Variants in PDE3B observed in about 807,000 individuals in gnomAD.
PDE3B encodes phosphodiesterase 3B.
A neutral mutation model predicts 116.8 loss-of-function variants in PDE3B; 66 were observed. That is an observed-to-expected ratio of 0.56 (90% CI 0.46 to 0.69). The LOEUF (loss-of-function observed/expected upper bound fraction) is 0.69. Ranked by LOEUF, PDE3B falls within the 30% of genes least tolerant of loss-of-function variation. The probability of loss-of-function intolerance (pLI) is 0.00; values close to 1 mark genes in which losing one functional copy is unlikely to be tolerated. For synonymous variants in PDE3B, 595 were observed against 533.6 expected (o/e 1.12, Z -1.59); for missense variants, 1,384 against 1,368.1 (o/e 1.01, Z -0.18).
intron 1 of PDE3B, among the ~76,000 whole-genome samples, chr11:14,712,888 A>G (rs1460639254): frequency 6.6e-6 from 1 of 152,222 alleles, no homozygotes; most frequent in Non-Finnish European, 1.5e-5. Context: ...TCAGATTTAG[A>G]TAATGCCTTA....
intron 1 of PDE3B, among the ~76,000 whole-genome samples, chr11:14,654,450 A>G (rs1277869195): frequency 6.6e-6 from 1 of 152,190 alleles, no homozygotes; most frequent in Non-Finnish European, 1.5e-5. Flanking sequence ...AGTGCCCCGC[A>G]AAACTATCTC....
At chr11:14,725,873 C>A (rs1040989907) in intron 1 of PDE3B, among the ~76,000 whole-genome samples, 4 of 151,928 alleles carry the variant, frequency 2.6e-5, no homozygotes, top group South Asian at 4.2e-4. Flanking sequence ...CTTTTAAAAA[C>A]CAAAATTCTT....
intron 11 of PDE3B, among the ~76,000 whole-genome samples, chr11:14,840,659 T>G (rs1191280841): frequency 6.6e-6 from 1 of 152,166 alleles, no homozygotes; most frequent in Non-Finnish European, 1.5e-5. Context: ...TTCCTCAAAG[T>G]GGATAGCTAC....
At chr11:14,747,917 A>G (rs1363066967) in intron 1 of PDE3B, among the ~76,000 whole-genome samples, 2 of 152,314 alleles carry the variant, frequency 1.3e-5, no homozygotes, top group South Asian at 2.1e-4. Context: ...CTTTGAAGAA[A>G]TAGTCACTAT....
chr11:14,819,336 C>T, intron 7 of PDE3B, 127 bp downstream of exon 7: 1 of 585,878 alleles, frequency 1.7e-6, no homozygotes, highest in South Asian at 2.5e-5. Context: ...TTATTTTTTA[C>T]CCACTTCACA....
chr11:14,670,076 C>A (rs1004289049), intron 1 of PDE3B, among the ~76,000 whole-genome samples: 3 of 152,080 alleles, frequency 2.0e-5, no homozygotes, highest in Non-Finnish European at 4.4e-5. Flanking sequence ...GCATAGTTAT[C>A]TGGGTGATTT....
chr11:14,668,032 TAAAA>T (rs200897741), intron 1 of PDE3B, among the ~76,000 whole-genome samples: 3 of 131,104 alleles, frequency 2.3e-5, no homozygotes, highest in Non-Finnish European at 5.0e-5. Context: ...AATGCAAGAG[TAAAA>T]AAAAAAAAGG....
At chr11:14,858,789 C>G (rs1231723204) in intron 12 of PDE3B, among the ~76,000 whole-genome samples, 2 of 152,142 alleles carry the variant, frequency 1.3e-5, no homozygotes, top group Non-Finnish European at 2.9e-5. Flanking sequence ...CAAAGATAAA[C>G]TTTAAAGATA....
intron 1 of PDE3B, among the ~76,000 whole-genome samples, chr11:14,692,741 G>T (rs1379623319): frequency 6.6e-6 from 1 of 151,974 alleles, no homozygotes; most frequent in Non-Finnish European, 1.5e-5. Flanking sequence ...TTTCTCCCCT[G>T]TCCTTGGACC....
intron 5 of PDE3B, among the ~76,000 whole-genome samples, chr11:14,812,629 G>T (rs945951905): frequency 6.6e-6 from 1 of 152,072 alleles, no homozygotes; most frequent in African/African-American, 2.4e-5. Flanking sequence ...ATACAAAAAT[G>T]ATAAAAAATC....
chr11:14,701,813 G>T (rs557021479), intron 1 of PDE3B, among the ~76,000 whole-genome samples: 7 of 150,972 alleles, frequency 4.6e-5, no homozygotes, highest in Admixed American at 4.6e-4. Context: ...AAAGCATCCA[G>T]TGTTACTATT....
the PDE3B span, chr11:14,891,915 G>A: frequency 6.4e-7 from 1 of 1,560,680 alleles, no homozygotes; most frequent in South Asian, 1.2e-5. Flanking sequence ...AGTCCAACCA[G>A]GAAGGCCCTG....
At position 14,783,646 on chromosome 11, in the gene PDE3B, A is replaced by G. The variant is rs530723114; in HGVS notation, c.1030-2791A>G. Among the ~76,000 whole-genome samples the G allele has an allele frequency of 2.6e-5, 4 of 152,226 alleles. No individual in the cohort carries two copies. In the East Asian group the frequency reaches 7.7e-4, roughly 29 times the overall value. On this transcript the variant is annotated intron_variant, in intron 2 of 15. Transcript: ENST00000282096. ...GTGGGGAGGGATAGCTAGCATTGGGAGATATACCTGATGTAAATGAGGAGT... is the reference window on the plus strand; with the variant it reads ...GTGGGGAGGGATAGCTAGCATTGGGGGATATACCTGATGTAAATGAGGAGT...
the PDE3B span, chr11:14,892,170 C>A: frequency 6.2e-7 from 1 of 1,610,814 alleles, no homozygotes; most frequent in East Asian, 2.2e-5. Flanking sequence ...CGCCGAGCGC[C>A]GCCGCGCCCT....
At chr11:14,720,963 A>T (rs188474622) in intron 1 of PDE3B, among the ~76,000 whole-genome samples, 2 of 114,572 alleles carry the variant, frequency 1.7e-5, no homozygotes, top group East Asian at 5.1e-4. Flanking sequence ...ACAGCAAAAG[A>T]GACTACCATC....
At chr11:14,868,067 C>T (rs1848079920) in intron 15 of PDE3B, among the ~76,000 whole-genome samples, 1 of 152,196 alleles carries the variant, frequency 6.6e-6, no homozygotes, top group African/African-American at 2.4e-5. Context: ...ACAGATTCAG[C>T]AGTCATTACA....
At chr11:14,813,084 G>A (rs966688905) in intron 5 of PDE3B, among the ~76,000 whole-genome samples, 1 of 152,144 alleles carries the variant, frequency 6.6e-6, no homozygotes, top group Non-Finnish European at 1.5e-5. Context: ...GCACTTCCCA[G>A]CCTCCAGAAC....
chr11:14,752,921 T>A (rs1857092450), intron 1 of PDE3B, among the ~76,000 whole-genome samples: 1 of 152,138 alleles, frequency 6.6e-6, no homozygotes, highest in Non-Finnish European at 1.5e-5. Flanking sequence ...CTAAACTATC[T>A]ACTGTTTGCT....
At chr11:14,803,860 G>A (rs1349334170) in intron 4 of PDE3B, 84 bp from the exon 5 acceptor site, 8 of 781,544 alleles carry the variant, frequency 1.0e-5, no homozygotes, top group Non-Finnish European at 1.8e-5. Context: ...GGATATATTT[G>A]CTAATTAAAT....
Sources: allele counts gnomAD v4.1 joint callset (sites outside exome capture counted in the v4.1 genomes callset), GRCh38; gene constraint gnomAD v4.1.1; transcripts MANE v1.5; gene names NCBI Gene and HGNC (gene_info 2026-07-23, HGNC 2026-07-21).